The following ITM2B variants were observed in gnomAD, a reference collection of about 807,000 sequenced individuals.
ITM2B encodes integral membrane protein 2B.
Under a neutral mutation model 27.8 loss-of-function variants are expected in ITM2B, and 11 were observed. The ratio of observed to expected loss-of-function variants is 0.40; its 90% CI spans 0.25 to 0.66. ITM2B has a LOEUF of 0.66. Among genes scored for constraint, ITM2B ranks in the 30% least tolerant of loss-of-function variants. The pLI is 0.43. For missense variants in ITM2B, 296 were observed against 328.9 expected (o/e 0.90, Z 0.77); for synonymous variants, 114 against 114.3 (o/e 1.00, Z 0.02).
At chr13:48,238,280 C>T (rs866254579) in intron 1 of ITM2B, among the ~76,000 whole-genome samples, 4 of 152,248 alleles carry the variant, frequency 2.6e-5, no homozygotes, top group Admixed American at 1.3e-4. Flanking sequence ...AATACAACCT[C>T]ATTTTATAAG....
intron 1 of ITM2B, among the ~76,000 whole-genome samples, chr13:48,245,195 A>T (rs1000674000): frequency 6.6e-6 from 1 of 152,080 alleles, no homozygotes; most frequent in Admixed American, 6.6e-5. Flanking sequence ...GCCTGGTGGC[A>T]TGTGCCTGTA....
At chr13:48,246,517 A>G (rs1951725463) in intron 1 of ITM2B, among the ~76,000 whole-genome samples, 2 of 152,218 alleles carry the variant, frequency 1.3e-5, no homozygotes, top group African/African-American at 4.8e-5. Context: ...GATATATTTG[A>G]TAATCAGTGC....
intron 2 of ITM2B, 98 bp downstream of exon 2, chr13:48,254,034 C>A: frequency 8.5e-7 from 1 of 1,182,152 alleles, no homozygotes; most frequent in Non-Finnish European, 1.2e-6. Flanking sequence ...TAAGCTTGTA[C>A]TTTTTATCTG....
At chr13:48,234,611 C>T (rs2137975651) in intron 1 of ITM2B, among the ~76,000 whole-genome samples, 1 of 152,118 alleles carries the variant, frequency 6.6e-6, no homozygotes, top group South Asian at 2.1e-4. Context: ...AAAAAATTCA[C>T]AATATAATGG....
rs1367941204 is a variant in ITM2B at position 48,261,148 on chromosome 13, A to T, written c.725A>T (p.Lys242Ile). 1 of 1,612,010 alleles carries T rather than the reference A, an allele frequency of 6.2e-7. No homozygotes were observed. ...QRRETIKGIQ[K>I]REASNCFAIR... ...TTTCCCTCTCCAACAGGTATTCAGA[A>T]ACGTGAAGCCAGCAATTGTTTCGCA... The change falls in exon 6 of 6, where the codon AAA becomes ATA. Residue 242 changes from lysine to isoleucine, a missense_variant. Physicochemically the swap from Lys to Ile is moderately radical, Grantham distance 102. Transcript: ENST00000647800.
At chr13:48,234,292 G>C (rs745858890) in intron 1 of ITM2B, among the ~76,000 whole-genome samples, 1 of 151,980 alleles carries the variant, frequency 6.6e-6, no homozygotes, top group Non-Finnish European at 1.5e-5. Context: ...ATGAAGTGGG[G>C]CTGTTACTGT....
chr13:48,258,710 T>C, intron 4 of ITM2B, 87 bp from the exon 5 acceptor site: 1 of 1,234,972 alleles, frequency 8.1e-7, no homozygotes, highest in Admixed American at 1.7e-5. Flanking sequence ...TTCCATACCA[T>C]AATGTGTAAG....
chr13:48,259,082 A>T (rs1331544288), intron 5 of ITM2B, 135 bp downstream of exon 5: 2 of 638,674 alleles, frequency 3.1e-6, no homozygotes, highest in Admixed American at 6.0e-5. Flanking sequence ...TAATATTTCC[A>T]GGTTTCTATA....
In ITM2B at chr13:48,262,944, A is replaced by G. The variant is rs1951831066; in HGVS notation, c.*1720A>G. On this transcript the variant is annotated 3_prime_UTR_variant, in exon 6 of 6. Transcript: ENST00000647800. Reference sequence around the variant, plus strand: ...CCACTATTGAAGTTTTGCATTTTGGAAGGAGCTTATTAGTTTGTTTTCCTG... The same window carrying G: ...CCACTATTGAAGTTTTGCATTTTGGGAGGAGCTTATTAGTTTGTTTTCCTG... 1 of 152,098 alleles carries G rather than the reference A, an allele frequency of 6.6e-6. No individual in the cohort carries two copies. Among genetic ancestry groups the G allele is most frequent in the Non-Finnish European group, 1.5e-5 (1 of 68,014 alleles). The allele number at this position is 152,098 out of a possible 1,614,324, so 9.4% of individuals were successfully genotyped here.
In ITM2B at chr13:48,247,775, A is replaced by G. The variant is rs576722162; in HGVS notation, c.118-6033A>G. On this transcript the variant is annotated intron_variant, in intron 1 of 5. Coordinates refer to ENST00000647800, the MANE Select transcript of ITM2B (RefSeq NM_021999.5). ...ATGCTGAGATTTATTTGAACTAGAA[A>G]TTAGTACTGTGCCAGAGTGAGAGTG... Among the ~76,000 whole-genome samples, 13 of 152,246 alleles carry G rather than the reference A, an allele frequency of 8.5e-5. No individual in the cohort carries two copies. In the South Asian group the frequency reaches 2.3e-3, roughly 27 times the overall value.
At chr13:48,241,027 C>A (rs988849420) in intron 1 of ITM2B, among the ~76,000 whole-genome samples, 1 of 152,194 alleles carries the variant, frequency 6.6e-6, no homozygotes, top group Non-Finnish European at 1.5e-5. Flanking sequence ...ACCATGGTGA[C>A]CACTAGACCC....
chr13:48,239,851 C>T (rs926159139), intron 1 of ITM2B, among the ~76,000 whole-genome samples: 2 of 152,156 alleles, frequency 1.3e-5, no homozygotes, highest in Non-Finnish European at 1.5e-5. Context: ...TACTGCCTGC[C>T]TGCTGTTTTT....
intron 1 of ITM2B, among the ~76,000 whole-genome samples, chr13:48,233,986 G>A (rs1593386190): frequency 1.3e-5 from 2 of 152,122 alleles, no homozygotes; most frequent in Admixed American, 1.3e-4. Flanking sequence ...TTTTAAAAGC[G>A]TTTCTTTACC....
chr13:48,236,989 A>G lies in ITM2B; in HGVS notation c.117+3512A>G, dbSNP rs1362884060. Among the ~76,000 whole-genome samples the G allele has an allele frequency of 2.6e-5, 4 of 152,178 alleles. No homozygotes were observed. In the East Asian group the frequency reaches 7.7e-4, roughly 29 times the overall value. Reference sequence around the variant, plus strand: ...AAAGTGAAGGCCGACTCACCCAGTAAAAGTTTTGAGTTACCCATGACAAAT... The same window carrying G: ...AAAGTGAAGGCCGACTCACCCAGTAGAAGTTTTGAGTTACCCATGACAAAT... On this transcript the variant is annotated intron_variant, in intron 1 of 5. Transcript: ENST00000647800.
chr13:48,253,686 C>T, intron 1 of ITM2B, 122 bp from the exon 2 acceptor site: 1 of 1,006,904 alleles, frequency 9.9e-7, no homozygotes. Context: ...ATGAGAGACA[C>T]AACTCCTTTG....
intron 5 of ITM2B, 94 bp from the exon 6 acceptor site, chr13:48,261,045 A>AC: frequency 2.4e-6 from 2 of 823,882 alleles, no homozygotes; most frequent in Non-Finnish European, 4.0e-6. Flanking sequence ...AGAGTGAAAT[A>AC]CTTCTATATG....
Position 48,269,747 on chromosome 13 carries a change from G to C in ITM2B, c.*8523G>C, listed in dbSNP as rs1043173319. 2.0e-5 allele frequency: 3 copies of C among 152,270 alleles called. No individual in the cohort carries two copies. The highest frequency in any genetic ancestry group is 7.2e-5 in the African/African-American group (3 of 41,428). 9.4% of individuals were successfully genotyped at this position (152,270 alleles called of 1,614,324 possible). ...AATGTCACTTCATTAGGTATTGCCT[G>C]ATCACCTTTTCTAAAGTGAGTCTCA... On this transcript the variant is annotated 3_prime_UTR_variant, in exon 6 of 6. Coordinates refer to ENST00000647800, the MANE Select transcript of ITM2B (RefSeq NM_021999.5).
At chr13:48,248,739 T>C (rs1951737086) in intron 1 of ITM2B, among the ~76,000 whole-genome samples, 1 of 152,206 alleles carries the variant, frequency 6.6e-6, no homozygotes, top group Non-Finnish European at 1.5e-5. Flanking sequence ...CATAATGGTT[T>C]AAGAAAGTTT....
intron 1 of ITM2B, among the ~76,000 whole-genome samples, chr13:48,250,547 G>A (rs1207712624): frequency 1.3e-5 from 2 of 152,010 alleles, no homozygotes; most frequent in African/African-American, 4.8e-5. Flanking sequence ...GAACCCAGGA[G>A]GTGGAGCTTT....
Sources: gnomAD v4.1 joint callset for allele counts (sites outside exome capture counted in the v4.1 genomes callset) on GRCh38, gnomAD v4.1.1 for gene constraint, MANE v1.5 for transcripts, NCBI Gene and HGNC (gene_info 2026-07-23, HGNC 2026-07-21) for gene names.